The following ZNF26 variants were observed in gnomAD, a reference collection of about 807,000 sequenced individuals.
ZNF26 encodes the protein epididymis luminal protein 179.
ZNF26 carries 32 observed loss-of-function variants against 54.9 expected under a neutral mutation model. That is an observed-to-expected ratio of 0.58 (90% CI 0.44 to 0.78). The LOEUF is 0.78. ZNF26 is among the 30% of genes least tolerant of loss of function. The pLI is 0.00. For synonymous variants in ZNF26, 221 were observed against 209.2 expected (o/e 1.06, Z -0.49); for missense variants, 524 against 634.0 (o/e 0.83, Z 1.86).
chr12:132,998,807 A>T (rs993390984), intron 1 of ZNF26, among the ~76,000 whole-genome samples: 29 of 152,328 alleles, frequency 1.9e-4, no homozygotes, highest in Non-Finnish European at 2.1e-4. Flanking sequence ...CAGTCTCTCA[A>T]TTGTGTCCTT....
chr12:132,994,235 G>A (rs1350278433), intron 1 of ZNF26, among the ~76,000 whole-genome samples: 1 of 152,172 alleles, frequency 6.6e-6, no homozygotes, highest in Non-Finnish European at 1.5e-5. Context: ...CTGTCCTGAC[G>A]CTTTCTCACA....
intron 1 of ZNF26, among the ~76,000 whole-genome samples, chr12:132,995,507 G>T (rs1363438748): frequency 6.6e-6 from 1 of 150,920 alleles, no homozygotes; most frequent in Non-Finnish European, 1.5e-5. Flanking sequence ...TTACTTGTTT[G>T]CTAACATCAT....
In ZNF26 at chr12:133,012,586, T is replaced by TG; in HGVS notation, c.*1105_*1106insG. 2 of 118,940 alleles carry TG rather than the reference T, an allele frequency of 1.7e-5. No homozygotes were observed. The highest frequency in any genetic ancestry group is 8.5e-5 in the Admixed American group (1 of 11,706). 7.4% of individuals were successfully genotyped at this position (118,940 alleles called of 1,614,324 possible). ...TGCTTTTTGTTGTTTGGGTTTTTTT[T>TG]TTTTTTTTTTTTTTTTTTTTTTTGA... is the stretch of plus-strand genomic sequence containing the variant. On this transcript the variant is annotated 3_prime_UTR_variant, in exon 4 of 4. Coordinates refer to ENST00000328654, the MANE Select transcript of ZNF26 (RefSeq NM_019591.4).
chr12:132,988,861 C>G (rs1037473415), intron 1 of ZNF26, among the ~76,000 whole-genome samples: 4 of 151,948 alleles, frequency 2.6e-5, no homozygotes, highest in Non-Finnish European at 5.9e-5. Flanking sequence ...TTTTGTTAGA[C>G]TTACACCTAA....
At chr12:132,993,556 A>G (rs1953011107) in intron 1 of ZNF26, among the ~76,000 whole-genome samples, 1 of 151,400 alleles carries the variant, frequency 6.6e-6, no homozygotes, top group African/African-American at 2.4e-5. Flanking sequence ...GTTGGGTTCA[A>G]GTGATTCTTC....
rs1953607342 is a variant in ZNF26 at position 133,019,232 on chromosome 12, TAAC to T, written c.*7754_*7756del. On this transcript the variant is annotated 3_prime_UTR_variant, in exon 4 of 4. Transcript: ENST00000328654. Reference sequence around the variant, plus strand: ...GGAAGCTTCCATACTGCCGAGGAAATAACAAAATAAAGAGACAACCCACAGATT... The same window carrying T: ...GGAAGCTTCCATACTGCCGAGGAAATAAAATAAAGAGACAACCCACAGATT... 6.6e-6 allele frequency: 1 copy of T among 151,894 alleles called. No individual in the cohort carries two copies. The highest frequency in any genetic ancestry group is 1.5e-5 in the Non-Finnish European group (1 of 67,982). 9.4% of individuals were successfully genotyped at this position (151,894 alleles called of 1,614,324 possible). A position where few individuals can be genotyped will look rare whatever the true frequency, so the allele number is the denominator to read the frequency against.
intron 1 of ZNF26, among the ~76,000 whole-genome samples, chr12:132,997,623 G>A (rs10870561): frequency 0.48 from 72,842 of 152,086 alleles, 19,031 homozygotes; most frequent in East Asian, 0.76. Flanking sequence ...CAGCAGTGCA[G>A]TGGAAAACAG....
rs112566574 is a variant in ZNF26 at position 133,026,107 on chromosome 12, CTT to C, written c.*14639_*14640del. ...GGAAACTATTAGATATAATAAGTCA[CTT>C]TTTTTTTTTTTTGAGATGCACTCTC... On this transcript the variant is annotated 3_prime_UTR_variant, in exon 4 of 4. Coordinates refer to ENST00000328654, the MANE Select transcript of ZNF26 (RefSeq NM_019591.4). 11 of 145,004 alleles carry C rather than the reference CTT, an allele frequency of 7.6e-5. No homozygotes were observed. The highest frequency in any genetic ancestry group is 7.6e-5 in the Non-Finnish European group (5 of 65,812). 9.0% of individuals were successfully genotyped at this position (145,004 alleles called of 1,614,324 possible). A position where few individuals can be genotyped will look rare whatever the true frequency, so the allele number is the denominator to read the frequency against.
At position 133,026,954 on chromosome 12, in the gene ZNF26, AT is replaced by A. The variant is rs1953713567; in HGVS notation, c.*15474del. 10 of 152,224 alleles carry A rather than the reference AT, an allele frequency of 6.6e-5. No homozygotes were observed. Among genetic ancestry groups the A allele is most frequent in the Non-Finnish European group, 1.5e-5 (1 of 68,044 alleles). The allele number at this position is 152,224 out of a possible 1,614,324, so 9.4% of individuals were successfully genotyped here. ...TAAATACCTATATAGGTTAAGAAAAATATTCAATAAATTGGAACAATTCTTT... is the reference window on the plus strand; with the variant it reads ...TAAATACCTATATAGGTTAAGAAAAAATTCAATAAATTGGAACAATTCTTT... On this transcript the variant is annotated 3_prime_UTR_variant, in exon 4 of 4. Coordinates refer to ENST00000328654, the MANE Select transcript of ZNF26 (RefSeq NM_019591.4).
chr12:133,007,697 G>A (rs921848288), intron 3 of ZNF26, among the ~76,000 whole-genome samples, 165 bp downstream of exon 3: 2 of 152,126 alleles, frequency 1.3e-5, no homozygotes, highest in South Asian at 4.1e-4. Flanking sequence ...GGACATCGCC[G>A]TCACTCTTCA....
At chr12:132,988,090 C>T (rs1313931547) in intron 1 of ZNF26, among the ~76,000 whole-genome samples, 2 of 152,208 alleles carry the variant, frequency 1.3e-5, no homozygotes, top group East Asian at 3.8e-4. Context: ...CTCACTGCAA[C>T]CTCTGCCTCC....
At position 133,022,041 on chromosome 12, in the gene ZNF26, A is replaced by G. The variant is rs1243447601; in HGVS notation, c.*10560A>G. 1 of 152,060 alleles carries G rather than the reference A, an allele frequency of 6.6e-6. No homozygotes were observed. Among genetic ancestry groups the G allele is most frequent in the Non-Finnish European group, 1.5e-5 (1 of 67,998 alleles). The allele number at this position is 152,060 out of a possible 1,614,324, so 9.4% of individuals were successfully genotyped here. On this transcript the variant is annotated 3_prime_UTR_variant, in exon 4 of 4. Transcript: ENST00000328654. The stretch of plus-strand genomic sequence containing the variant: ...TGAGACCAGTCTAGCCAACATGGTG[A>G]TAGCCCCTGTTTACCAAAAATACAA...
rs1188844155 is a variant in ZNF26 at position 133,017,071 on chromosome 12, G to A, written c.*5590G>A. On this transcript the variant is annotated 3_prime_UTR_variant, in exon 4 of 4. Coordinates refer to ENST00000328654, the MANE Select transcript of ZNF26 (RefSeq NM_019591.4). The stretch of plus-strand genomic sequence containing the variant: ...CAAAATATTTAATACCAAGAAAGTT[G>A]GAAACATAAAAAAATAAAAAGTCAT... 1 of 151,730 alleles carries A rather than the reference G, an allele frequency of 6.6e-6. No individual in the cohort carries two copies. The highest frequency in any genetic ancestry group is 1.5e-5 in the Non-Finnish European group (1 of 67,954). The allele number at this position is 151,730 out of a possible 1,614,324, so 9.4% of individuals were successfully genotyped here. A position where few individuals can be genotyped will look rare whatever the true frequency, so the allele number is the denominator to read the frequency against.
In ZNF26 at chr12:133,001,872, A is replaced by G; in HGVS notation, c.34-5170A>G. ...AGTTATTCGATCCTTGTTTACTTAAATTCTTAAGTACATGTCAGTTCCTTC... is the reference window on the plus strand; with the variant it reads ...AGTTATTCGATCCTTGTTTACTTAAGTTCTTAAGTACATGTCAGTTCCTTC... On this transcript the variant is annotated intron_variant, in intron 1 of 3. Coordinates refer to ENST00000328654, the MANE Select transcript of ZNF26 (RefSeq NM_019591.4). The surrounding 1 kb of genome is among the most constrained non-coding windows in gnomAD (Gnocchi z 4.7). The G allele has an allele frequency of 1.0e-5, 4 of 397,496 alleles. No individual in the cohort carries two copies. Among genetic ancestry groups the G allele is most frequent in the Non-Finnish European group, 1.9e-5 (4 of 211,212 alleles). 24.6% of individuals were successfully genotyped at this position (397,496 alleles called of 1,614,324 possible).
chr12:133,021,623 C>CT lies in ZNF26; in HGVS notation c.*10142_*10143insT, dbSNP rs1953643745. On this transcript the variant is annotated 3_prime_UTR_variant, in exon 4 of 4. Coordinates refer to ENST00000328654, the MANE Select transcript of ZNF26 (RefSeq NM_019591.4). The stretch of plus-strand genomic sequence containing the variant: ...CTCTACTAAAAATACAAAAATTACC[C>CT]AGGCGTGGTGGCAGGCACCTGTAAT... The CT allele has an allele frequency of 1.3e-5, 2 of 151,538 alleles. No individual in the cohort carries two copies. Among genetic ancestry groups the CT allele is most frequent in the Non-Finnish European group, 2.9e-5 (2 of 67,918 alleles). 9.4% of individuals were successfully genotyped at this position (151,538 alleles called of 1,614,324 possible).
At position 133,025,897 on chromosome 12, in the gene ZNF26, C is replaced by G. The variant is rs890930637; in HGVS notation, c.*14416C>G. ...GAATTCACACTCTTGAACCATTCAG[C>G]AGCCATATAAGCAGTCCAATGGCCC... On this transcript the variant is annotated 3_prime_UTR_variant, in exon 4 of 4. Transcript: ENST00000328654. 41 of 152,294 alleles carry G rather than the reference C, an allele frequency of 2.7e-4. No individual in the cohort carries two copies. Among genetic ancestry groups the G allele is most frequent in the African/African-American group, 9.2e-4 (38 of 41,440 alleles). The allele number at this position is 152,294 out of a possible 1,614,324, so 9.4% of individuals were successfully genotyped here.
intron 1 of ZNF26, among the ~76,000 whole-genome samples, chr12:132,992,877 T>C (rs1952993570): frequency 6.6e-6 from 1 of 152,166 alleles, no homozygotes; most frequent in Non-Finnish European, 1.5e-5. Context: ...TCTTTTTTTT[T>C]TTCCCCAGTG....
Position 132,986,559 on chromosome 12 carries a change from G to C in ZNF26, c.-282G>C. 1 of 542,510 alleles carries C rather than the reference G, an allele frequency of 1.8e-6. No individual in the cohort carries two copies. Among genetic ancestry groups the C allele is most frequent in the Non-Finnish European group, 3.3e-6 (1 of 301,576 alleles). 33.6% of individuals were successfully genotyped at this position (542,510 alleles called of 1,614,324 possible). A position where few individuals can be genotyped will look rare whatever the true frequency, so the allele number is the denominator to read the frequency against. On this transcript the variant is annotated 5_prime_UTR_variant, in exon 1 of 4. Coordinates refer to ENST00000328654, the MANE Select transcript of ZNF26 (RefSeq NM_019591.4). The stretch of plus-strand genomic sequence containing the variant: ...ACTTCCGTCGGTCCGGGGCGTGGAC[G>C]GGGCCAGATCAGCCTCCTGCTCTCC...
intron 1 of ZNF26, among the ~76,000 whole-genome samples, chr12:132,998,151 C>T (rs972526976): frequency 6.6e-6 from 1 of 150,900 alleles, no homozygotes; most frequent in Admixed American, 6.6e-5. Context: ...GTTGACTTTG[C>T]TGGAGCTTTT....
Sources: gnomAD v4.1 joint callset for allele counts (sites outside exome capture counted in the v4.1 genomes callset) on GRCh38, gnomAD v4.1.1 for gene constraint, Gnocchi (gnomAD v3.1) non-coding constraint, MANE v1.5 for transcripts, NCBI Gene and HGNC (gene_info 2026-07-23, HGNC 2026-07-21) for gene names.